Variants in RARB observed in about 807,000 individuals in gnomAD.
RARB encodes the protein retinoic acid receptor beta, also known as HBV-activated protein.
Under a neutral mutation model 51.9 loss-of-function variants are expected in RARB, and 17 were observed. That is an observed-to-expected ratio of 0.33 (90% CI 0.22 to 0.49). RARB has a LOEUF of 0.49. RARB is among the 20% of genes least tolerant of loss of function. The probability of loss-of-function intolerance (pLI) is 0.99; values close to 1 mark genes in which losing one functional copy is unlikely to be tolerated. For synonymous variants in RARB, 215 were observed against 195.4 expected, an observed-to-expected ratio of 1.10 and a Z score of -0.84; for missense variants, 369 against 550.8, an observed-to-expected ratio of 0.67 and a Z score of 3.30.
At chr3:24,995,118 T>C (rs1489982201) in intron 2 of RARB, among the ~76,000 whole-genome samples, 1 of 152,128 alleles carries the variant, frequency 6.6e-6, no homozygotes, top group Non-Finnish European at 1.5e-5. Flanking sequence ...TTCCAATTCA[T>C]GAACGTGAGA....
intron 3 of RARB, among the ~76,000 whole-genome samples, chr3:25,556,404 TG>T (rs1700060074): frequency 6.6e-6 from 1 of 152,172 alleles, no homozygotes; most frequent in Admixed American, 6.5e-5. Flanking sequence ...GTAACACATG[TG>T]GACTGAGAGT....
At chr3:25,307,373 C>G (rs1006552069) in intron 5 of RARB, among the ~76,000 whole-genome samples, 2 of 149,684 alleles carry the variant, frequency 1.3e-5, no homozygotes, top group Admixed American at 1.3e-4. Context: ...TGAGACAGAA[C>G]GAAACTCTGT....
At chr3:24,906,445 G>C (rs1239167657) in intron 2 of RARB, among the ~76,000 whole-genome samples, 1 of 152,180 alleles carries the variant, frequency 6.6e-6, no homozygotes, top group Admixed American at 6.5e-5. Context: ...GGATAGTTGA[G>C]ATTGTTGTAA....
intron 5 of RARB, among the ~76,000 whole-genome samples, chr3:25,214,283 C>T (rs1701767635): frequency 6.6e-6 from 1 of 152,122 alleles, no homozygotes; most frequent in African/African-American, 2.4e-5. Context: ...GAGAAGTTCT[C>T]TTTGAGCGAT....
At chr3:25,175,398 A>G (rs1432192888) in intron 5 of RARB, among the ~76,000 whole-genome samples, 1 of 152,234 alleles carries the variant, frequency 6.6e-6, no homozygotes, top group Non-Finnish European at 1.5e-5. Context: ...CTCATAGAGC[A>G]ACAGTTCTTT....
intron 1 of RARB, among the ~76,000 whole-genome samples, chr3:25,450,042 C>T (rs1050215449): frequency 3.9e-5 from 6 of 152,264 alleles, no homozygotes; most frequent in East Asian, 1.9e-4. Context: ...TAAGCCACTG[C>T]GCCTGGCCAA....
chr3:24,851,062 G>A (rs1702547895), intron 1 of RARB, among the ~76,000 whole-genome samples: 1 of 152,152 alleles, frequency 6.6e-6, no homozygotes, highest in African/African-American at 2.4e-5. Context: ...CTTAGAGAAA[G>A]CAGAATGGCC....
At chr3:25,494,252 C>T (rs761699900) in intron 2 of RARB, among the ~76,000 whole-genome samples, 2 of 141,986 alleles carry the variant, frequency 1.4e-5, no homozygotes, top group Non-Finnish European at 3.2e-5. Flanking sequence ...CTGTATCTTA[C>T]GCACACACAC....
chr3:25,085,025 G>T (rs73141463), intron 3 of RARB, among the ~76,000 whole-genome samples: 2,506 of 152,168 alleles, frequency 0.016, 64 homozygotes, highest in East Asian at 0.062. Context: ...AGAGCTTGCA[G>T]ATCTTTAAGT....
chr3:25,062,835 A>T (rs995563040), intron 3 of RARB, among the ~76,000 whole-genome samples: 3 of 152,000 alleles, frequency 2.0e-5, no homozygotes, highest in South Asian at 2.1e-4. Flanking sequence ...AATGTTATCA[A>T]ATTAGACCAT....
chr3:25,262,321 T>C (rs947315621), intron 5 of RARB, among the ~76,000 whole-genome samples: 1 of 152,130 alleles, frequency 6.6e-6, no homozygotes. Context: ...CCATCACTCC[T>C]CTCCTTTTTC....
chr3:25,531,361 CAGATAGATAGGTAGAT>C (rs1255643375), intron 3 of RARB, among the ~76,000 whole-genome samples: 7 of 142,884 alleles, frequency 4.9e-5, no homozygotes, highest in South Asian at 2.2e-4. Flanking sequence ...GATCGATATA[CAGATAGATAGGTAGAT>C]AGATAGATAG....
intron 2 of RARB, among the ~76,000 whole-genome samples, chr3:24,897,219 T>C (rs1369864371): frequency 6.6e-6 from 1 of 152,198 alleles, no homozygotes. Context: ...ACCTTAGGCG[T>C]AGCTGTTTAA....
At chr3:25,208,131 T>A (rs1425799042) in intron 5 of RARB, among the ~76,000 whole-genome samples, 1 of 152,150 alleles carries the variant, frequency 6.6e-6, no homozygotes, top group Non-Finnish European at 1.5e-5. Flanking sequence ...AAACCATTCA[T>A]GAGAAATCTG....
At chr3:24,851,122 A>T (rs1227982224) in intron 1 of RARB, among the ~76,000 whole-genome samples, 1 of 152,118 alleles carries the variant, frequency 6.6e-6, no homozygotes, top group Non-Finnish European at 1.5e-5. Flanking sequence ...GAGACAGGAG[A>T]GGGCATGGGT....
chr3:25,304,964 T>G (rs902148892), intron 5 of RARB, among the ~76,000 whole-genome samples: 2 of 152,164 alleles, frequency 1.3e-5, no homozygotes, highest in African/African-American at 4.8e-5. Flanking sequence ...GTTCTAAGCC[T>G]TTGACATGTT....
At chr3:24,926,567 A>T (rs1321832450) in intron 2 of RARB, among the ~76,000 whole-genome samples, 2 of 152,094 alleles carry the variant, frequency 1.3e-5, no homozygotes, top group African/African-American at 4.8e-5. Context: ...GCTGTTAAAC[A>T]AAAAGGATGA....
Position 25,377,672 on chromosome 3 carries a change from G to T in RARB, c.179-83521G>T, listed in dbSNP as rs116360981. 5.9e-3 allele frequency among the ~76,000 whole-genome samples: 894 copies of T among 152,222 alleles called. 7 individuals carry two copies. The highest frequency in any genetic ancestry group is 0.024 in the Middle Eastern group (7 of 294). On this transcript the variant is annotated intron_variant, in intron 5 of 11. Transcript: ENST00000383772. ...GATTGTAGAATAAAGAAAAAGTGGG[G>T]AGACACAATTTCCAAATTGGGTCAT...
chr3:25,121,521 G>A (rs370946480), intron 3 of RARB, among the ~76,000 whole-genome samples: 10 of 152,078 alleles, frequency 6.6e-5, no homozygotes, highest in East Asian at 1.9e-4. Flanking sequence ...ACCAGTCTAC[G>A]TTTTCACCTC....
Sources: gnomAD v4.1 joint callset for allele counts (sites outside exome capture counted in the v4.1 genomes callset) on GRCh38, gnomAD v4.1.1 for gene constraint, MANE v1.5 for transcripts, NCBI Gene and HGNC (gene_info 2026-07-23, HGNC 2026-07-21) for gene names.